Variants in KNTC1 observed in about 807,000 individuals in gnomAD.
KNTC1 encodes the protein kinetochore-associated protein 1.
A neutral mutation model predicts 314.4 loss-of-function variants in KNTC1; 253 were observed. The ratio of observed to expected loss-of-function variants is 0.80; its 90% CI spans 0.73 to 0.89. The LOEUF (loss-of-function observed/expected upper bound fraction) is 0.89, where lower values mean the gene tolerates loss of function less well. KNTC1 is among the 40% of genes least tolerant of loss of function. The probability of loss-of-function intolerance (pLI) is 0.00; values close to 1 mark genes in which losing one functional copy is unlikely to be tolerated. For synonymous variants in KNTC1, 901 were observed against 901.4 expected (o/e 1.00, Z 0.01); for missense variants, 2,475 against 2,572.9 (o/e 0.96, Z 0.82).
intron 18 of KNTC1, among the ~76,000 whole-genome samples, chr12:122,559,676 G>T (rs1443636247): frequency 6.6e-6 from 1 of 152,056 alleles, no homozygotes; most frequent in Non-Finnish European, 1.5e-5. Context: ...GGGTTCAAGT[G>T]ATTCTCCTGC....
chr12:122,557,073 T>G (rs1963651463), intron 16 of KNTC1, among the ~76,000 whole-genome samples: 1 of 152,126 alleles, frequency 6.6e-6, no homozygotes, highest in Admixed American at 6.6e-5. Context: ...TGTGCAAATA[T>G]ACCACATTTT....
chr12:122,554,064 T>TAAAAAA (rs71085821), intron 16 of KNTC1, among the ~76,000 whole-genome samples: 5 of 122,554 alleles, frequency 4.1e-5, no homozygotes, highest in Middle Eastern at 4.2e-3. Flanking sequence ...AATACTTCCT[T>TAAAAAA]AAAAAAAAAA....
chr12:122,591,451 G>C lies in KNTC1; in HGVS notation c.4243G>C (p.Gly1415Arg). The change falls in exon 42 of 64, where the codon GGT (glycine) becomes CGT (arginine). Residue 1415 changes from glycine to arginine, a missense_variant and splice_region_variant. Coordinates refer to ENST00000333479, the MANE Select transcript of KNTC1 (RefSeq NM_014708.6). ...GTGGGGCATTCGTCTTGGTAAACTT[G>C]GTGTGAGTATTCTTTGTACTGCTGT... ...AQWGIRLGKL[G>R]ISFQPVFRQH... is the part of the protein sequence containing the mutation. 2 of 1,480,806 alleles carry C rather than the reference G, an allele frequency of 1.4e-6. No individual in the cohort carries two copies. The highest frequency in any genetic ancestry group is 1.9e-6 in the Non-Finnish European group (2 of 1,062,292). The allele number at this position is 1,480,806 out of a possible 1,614,324, so 91.7% of individuals were successfully genotyped here.
At chr12:122,546,707 C>T in intron 10 of KNTC1, 33 bp downstream of exon 10, 1 of 1,368,490 alleles carries the variant, frequency 7.3e-7, no homozygotes, top group Non-Finnish European at 1.0e-6. Flanking sequence ...AATGTTTTTA[C>T]TTGATATGTT....
chr12:122,543,973 C>T (rs1384493834), intron 7 of KNTC1, among the ~76,000 whole-genome samples, 186 bp from the exon 8 acceptor site: 1 of 150,204 alleles, frequency 6.7e-6, no homozygotes, highest in Admixed American at 6.7e-5. Flanking sequence ...TACTTGAACT[C>T]GGGAGGCAGA....
chr12:122,562,205 C>A (rs1367200827), intron 19 of KNTC1, among the ~76,000 whole-genome samples: 1 of 152,094 alleles, frequency 6.6e-6, no homozygotes, highest in Non-Finnish European at 1.5e-5. Context: ...GCTAAACATT[C>A]AAATGAAGAT....
At chr12:122,543,507 T>G in intron 6 of KNTC1, 93 bp from the exon 7 acceptor site, 1 of 918,202 alleles carries the variant, frequency 1.1e-6, no homozygotes, top group Non-Finnish European at 1.6e-6. Flanking sequence ...TTGAACTAGA[T>G]TGTATTTAAT....
chr12:122,561,857 T>C (rs1593545392), intron 18 of KNTC1, 64 bp from the exon 19 acceptor site: 2 of 1,364,042 alleles, frequency 1.5e-6, no homozygotes, highest in Non-Finnish European at 2.0e-6. Context: ...TCACAGAAAA[T>C]CCATCATTTA....
chr12:122,591,418 G>A lies in KNTC1; in HGVS notation c.4210G>A (p.Asp1404Asn). 6.2e-7 allele frequency: 1 copy of A among 1,604,872 alleles called. No individual in the cohort carries two copies. Among genetic ancestry groups the A allele is most frequent in the Non-Finnish European group, 8.5e-7 (1 of 1,172,588 alleles). Residue 1404 changes from aspartate (D) to asparagine (N), a missense_variant, in exon 42 of 64, where the codon GAT becomes AAT. By Grantham distance (23) the Asp-to-Asn change is conservative (BLOSUM62 1). Coordinates refer to ENST00000333479, the MANE Select transcript of KNTC1 (RefSeq NM_014708.6). ...MGLKFRELST[D>N]AQWGIRLGKL... is the part of the protein sequence containing the mutation. ...GCTTAAGTTCCGTGAACTCAGTACT[G>A]ATGCCCAGTGGGGCATTCGTCTTGG...
At chr12:122,537,744 T>G (rs927806055) in intron 3 of KNTC1, among the ~76,000 whole-genome samples, 1 of 152,066 alleles carries the variant, frequency 6.6e-6, no homozygotes, top group African/African-American at 2.4e-5. Flanking sequence ...TGTCTTAGAA[T>G]ATGAGCTCTG....
chr12:122,605,004 A>G lies in KNTC1; in HGVS notation c.5303A>G (p.Lys1768Arg). Residue 1768 changes from lysine to arginine, a missense_variant, in exon 50 of 64, where the codon AAG (lysine) becomes AGG (arginine). Coordinates refer to ENST00000333479, the MANE Select transcript of KNTC1 (RefSeq NM_014708.6). The stretch of plus-strand genomic sequence containing the variant: ...GAGGAATATTTAAGAGTGATCGGAA[A>G]GCCAGCACATCTTATTGTCAGTCTC... ...NTEEYLRVIG[K>R]PAHLIVSLYE... is the part of the protein sequence containing the mutation. 6.2e-7 allele frequency: 1 copy of G among 1,613,452 alleles called. No individual in the cohort carries two copies. Among genetic ancestry groups the G allele is most frequent in the Non-Finnish European group, 8.5e-7 (1 of 1,179,664 alleles).
rs555365524 is a variant in KNTC1, at chr12:122,602,689, C to T, written c.4774C>T (p.Pro1592Ser). 2 of 1,613,862 alleles carry T rather than the reference C, an allele frequency of 1.2e-6. No homozygotes were observed. The highest frequency in any genetic ancestry group is 1.3e-5 in the African/African-American group (1 of 75,044). The change falls in exon 46 of 64, where the codon CCT (proline) becomes TCT (serine). Residue 1592 changes from proline (P) to serine (S), a missense_variant. Physicochemically the swap from Pro to Ser is moderately conservative, Grantham distance 74. Coordinates refer to ENST00000333479, the MANE Select transcript of KNTC1 (RefSeq NM_014708.6). ...TLPSAAQTRL[P>S]FHLIFFGTAQ... ...GCCATCAGCTGCCCAAACTAGACTGCCTTTTCACCTGATATTCTTTGGCAC... is the reference window on the plus strand; with the variant it reads ...GCCATCAGCTGCCCAAACTAGACTGTCTTTTCACCTGATATTCTTTGGCAC...
Position 122,557,571 on chromosome 12 carries a change from C to T in KNTC1, c.1399-29C>T, listed in dbSNP as rs201514088. 75 of 1,611,520 alleles carry T rather than the reference C, an allele frequency of 4.7e-5. No individual in the cohort carries two copies. The East Asian group carries it at 1.3e-3, about 28-fold the overall frequency. ...TGACGTGTTGATCAACATTAGGTTG[C>T]CTTACTGTGTCTGGCATTTGTGAAA... On this transcript the variant is annotated intron_variant, in intron 17 of 63. Coordinates refer to ENST00000333479, the MANE Select transcript of KNTC1 (RefSeq NM_014708.6).
chr12:122,538,402 G>A lies in KNTC1; in HGVS notation c.314G>A (p.Ser105Asn), dbSNP rs1962019900. 2.5e-6 allele frequency: 4 copies of A among 1,606,376 alleles called. No individual in the cohort carries two copies. The South Asian group carries it at 3.4e-5, about 13-fold the overall frequency. Reference protein sequence around the residue: ...EGKFLLVGERSGNLHLIHVTS... With the variant: ...EGKFLLVGERNGNLHLIHVTS... The stretch of plus-strand genomic sequence containing the variant: ...AAGTTTCTTTTGGTTGGCGAGAGAA[G>A]TGGCAACCTACATCTTATTCATGTA... The change falls in exon 4 of 64, where the codon AGT (serine) becomes AAT (asparagine). Residue 105 changes from serine (S) to asparagine (N), a missense_variant. Physicochemically the swap from Ser to Asn is conservative, Grantham distance 46. Transcript: ENST00000333479.
chr12:122,614,208 A>C (rs1276635731), intron 55 of KNTC1, among the ~76,000 whole-genome samples: 1 of 152,148 alleles, frequency 6.6e-6, no homozygotes, highest in Non-Finnish European at 1.5e-5. Flanking sequence ...GTGGATGGAT[A>C]AGGCAGTGTG....
rs773583890 is a variant in KNTC1, at chr12:122,571,049, C to G, written c.1942C>G (p.Gln648Glu). Residue 648 changes from glutamine to glutamate, a missense_variant, in exon 24 of 64, where the codon CAA becomes GAA. By Grantham distance (29) the Gln-to-Glu change is conservative. Transcript: ENST00000333479. ...DKANWPENGL[Q>E]LAEIFFTAEK... ...GGCAAATTGGCCAGAAAATGGACTT[C>G]AATTGGCAGAGATATTTTTTACAGC... The G allele has an allele frequency of 8.7e-6, 14 of 1,613,460 alleles. No homozygotes were observed. The highest frequency in any genetic ancestry group is 1.2e-5 in the Non-Finnish European group (14 of 1,179,602).
rs1964811412 is a variant in KNTC1 at position 122,573,227 on chromosome 12, G to T, written c.2225G>T (p.Arg742Ile). ...LIPSILEKFI[R>I]VYMREHDLQE... ...CCCTCCATCTTAGAGAAGTTTATAAGAGTTTACATGAGAGAACATGACTTG... is the reference window on the plus strand; with the variant it reads ...CCCTCCATCTTAGAGAAGTTTATAATAGTTTACATGAGAGAACATGACTTG... Residue 742 changes from arginine to isoleucine, a missense_variant, in exon 26 of 64, where the codon AGA becomes ATA. Physicochemically the swap from Arg to Ile is moderately conservative, Grantham distance 97. Transcript: ENST00000333479. The T allele has an allele frequency of 6.2e-7, 1 of 1,613,762 alleles. No homozygotes were observed. The highest frequency in any genetic ancestry group is 1.3e-5 in the African/African-American group (1 of 74,916).
intron 54 of KNTC1, 42 bp from the exon 55 acceptor site, chr12:122,613,584 T>C (rs1024467788): frequency 1.3e-6 from 2 of 1,533,226 alleles, no homozygotes; most frequent in African/African-American, 2.8e-5. Flanking sequence ...AATGTAAATG[T>C]GGCCTATGAG....
chr12:122,580,607 T>C lies in KNTC1; in HGVS notation c.2919T>C (p.Asn973=), dbSNP rs1206045876. ...LKILCDIQKD[N]LQKKDECEEM... ...CTTTTAAAAATTTAATTACAGACAA[T>C]CTGCAGAAGAAGGACGAATGTGAAG... The change falls in exon 33 of 64, where the codon AAT becomes AAC. Residue 973 remains asparagine, a synonymous_variant. Coordinates refer to ENST00000333479, the MANE Select transcript of KNTC1 (RefSeq NM_014708.6). 6.4e-7 allele frequency: 1 copy of C among 1,555,710 alleles called. No homozygotes were observed. Among genetic ancestry groups the C allele is most frequent in the Non-Finnish European group, 8.7e-7 (1 of 1,145,772 alleles).
Sources: allele counts gnomAD v4.1 joint callset (sites outside exome capture counted in the v4.1 genomes callset), GRCh38; gene constraint gnomAD v4.1.1; transcripts MANE v1.5; gene names NCBI Gene and HGNC (gene_info 2026-07-23, HGNC 2026-07-21).